ACBD6: variants seen among roughly 807,000 people sequenced by gnomAD.
ACBD6 encodes acyl-CoA binding domain containing 6.
A neutral mutation model predicts 37.2 loss-of-function variants in ACBD6; 28 were observed. That is an observed-to-expected ratio of 0.75 (90% CI 0.56 to 1.03). ACBD6 has a LOEUF of 1.03. Ranked by LOEUF, ACBD6 falls within the 50% of genes least tolerant of loss-of-function variation. The pLI, the probability that ACBD6 is intolerant of heterozygous loss-of-function variation, is 0.00. For missense variants in ACBD6, 340 were observed against 337.4 expected (o/e 1.01, Z -0.06); for synonymous variants, 113 against 126.8 (o/e 0.89, Z 0.73).
chr1:180,342,316 A>G (rs1299005302), intron 6 of ACBD6, among the ~76,000 whole-genome samples: 1 of 152,116 alleles, frequency 6.6e-6, no homozygotes, highest in East Asian at 1.9e-4. Flanking sequence ...AGATTTTTCA[A>G]CTCTGAATTG....
At chr1:180,344,638 T>C (rs1326298568) in intron 6 of ACBD6, among the ~76,000 whole-genome samples, 1 of 152,132 alleles carries the variant, frequency 6.6e-6, no homozygotes, top group African/African-American at 2.4e-5. Flanking sequence ...TGCTGGAAAT[T>C]TTACAAACAT....
intron 7 of ACBD6, among the ~76,000 whole-genome samples, chr1:180,312,488 T>C (rs534417899): frequency 1.3e-5 from 2 of 152,322 alleles, no homozygotes; most frequent in East Asian, 1.9e-4. Context: ...ACTGTATTGT[T>C]TGAGAATGAT....
chr1:180,343,858 C>T (rs549381413), intron 6 of ACBD6, among the ~76,000 whole-genome samples: 4 of 152,126 alleles, frequency 2.6e-5, no homozygotes, highest in Non-Finnish European at 1.5e-5. Flanking sequence ...CGCTTGAGCC[C>T]AGGAGTTTGA....
intron 7 of ACBD6, among the ~76,000 whole-genome samples, chr1:180,308,566 G>A (rs573209507): frequency 2.6e-5 from 4 of 152,302 alleles, no homozygotes; most frequent in African/African-American, 9.6e-5. Flanking sequence ...CTGAAGCAGA[G>A]AAGCTTCTTT....
At chr1:180,315,363 GA>G (rs1313647442) in intron 6 of ACBD6, among the ~76,000 whole-genome samples, 3 of 152,176 alleles carry the variant, frequency 2.0e-5, no homozygotes, top group African/African-American at 7.2e-5. Flanking sequence ...TAGTGCAGTT[GA>G]GTACTTTTTA....
At chr1:180,282,748 G>A (rs1571313317) in intron 8 of ACBD6, among the ~76,000 whole-genome samples, 2 of 152,002 alleles carry the variant, frequency 1.3e-5, no homozygotes, top group East Asian at 1.9e-4. Context: ...TCTATACTCA[G>A]TATGTGTGTG....
At chr1:180,489,894 G>A (rs965981892) in intron 3 of ACBD6, among the ~76,000 whole-genome samples, 2 of 152,090 alleles carry the variant, frequency 1.3e-5, no homozygotes, top group South Asian at 4.1e-4. Context: ...CCTGACCTCA[G>A]GTGATCCACC....
At chr1:180,273,262 AG>A (rs1163293980) in intron 12 of ACBD6, 1 of 152,276 alleles carries the variant, frequency 6.6e-6, no homozygotes, top group African/African-American at 2.4e-5. Flanking sequence ...AGGTCAGCTG[AG>A]CCCTAGAGGG....
intron 12 of ACBD6, chr1:180,273,291 A>G (rs145551067): frequency 0.018 from 2,790 of 152,484 alleles, 30 homozygotes; most frequent in Non-Finnish European, 0.025. Context: ...CTCTGAGAAC[A>G]CAGGGCCCGT....
chr1:180,330,215 C>T (rs1651425907), intron 6 of ACBD6, among the ~76,000 whole-genome samples: 2 of 151,310 alleles, frequency 1.3e-5, no homozygotes, highest in Non-Finnish European at 2.9e-5. Flanking sequence ...AGTTTGAGAT[C>T]AGCCTGGGCA....
chr1:180,286,386 A>G (rs182813918), downstream of ACBD6, among the ~76,000 whole-genome samples: 174 of 152,360 alleles, frequency 1.1e-3, no homozygotes, highest in African/African-American at 4.1e-3. Context: ...CGAACTGCTA[A>G]AGAGATGAAA....
chr1:180,276,353 G>T (rs147864191), intron 9 of ACBD6: 11 of 130,716 alleles, frequency 8.4e-5, no homozygotes, highest in African/African-American at 2.8e-4. Flanking sequence ...AATTAAGTAA[G>T]TTCTTTAAAA....
chr1:180,286,346 A>G (rs1649496300), downstream of ACBD6, among the ~76,000 whole-genome samples: 1 of 152,244 alleles, frequency 6.6e-6, no homozygotes, highest in African/African-American at 2.4e-5. Context: ...AAAACAGGTA[A>G]TAAAAAACTT....
At chr1:180,426,710 A>G (rs1431973104) in intron 4 of ACBD6, among the ~76,000 whole-genome samples, 1 of 152,230 alleles carries the variant, frequency 6.6e-6, no homozygotes, top group Non-Finnish European at 1.5e-5. Context: ...CCGAATAACA[A>G]TACTATTTAT....
At chr1:180,415,987 TAAC>T (rs1288539774) in intron 4 of ACBD6, among the ~76,000 whole-genome samples, 1 of 152,140 alleles carries the variant, frequency 6.6e-6, no homozygotes, top group African/African-American at 2.4e-5. Context: ...ACAGAGATAT[TAAC>T]AAAATACTTC....
At chr1:180,449,087 T>C (rs888178468) in intron 3 of ACBD6, among the ~76,000 whole-genome samples, 10 of 152,156 alleles carry the variant, frequency 6.6e-5, no homozygotes, top group Non-Finnish European at 1.5e-5. Context: ...AGTTGGTATG[T>C]TTCCATTCCA....
chr1:180,461,537 G>C (rs752447996), intron 3 of ACBD6, among the ~76,000 whole-genome samples: 2 of 152,150 alleles, frequency 1.3e-5, no homozygotes, highest in Non-Finnish European at 2.9e-5. Flanking sequence ...AGTCTACAAA[G>C]GGAAGCCCAT....
At chr1:180,396,843 C>T (rs1191501010) in intron 6 of ACBD6, among the ~76,000 whole-genome samples, 1 of 152,122 alleles carries the variant, frequency 6.6e-6, no homozygotes, top group East Asian at 1.9e-4. Flanking sequence ...TACACAGCTG[C>T]TGGGCATGAA....
chr1:180,335,692 C>T (rs1167323277), intron 6 of ACBD6, among the ~76,000 whole-genome samples: 5 of 148,730 alleles, frequency 3.4e-5, no homozygotes, highest in East Asian at 1.9e-4. Flanking sequence ...GGGCTAAATG[C>T]TCCAATTAAA....
Sources: gnomAD v4.1 joint callset for allele counts (sites outside exome capture counted in the v4.1 genomes callset) on GRCh38, gnomAD v4.1.1 for gene constraint, MANE v1.5 for transcripts, NCBI Gene and HGNC (gene_info 2026-07-23, HGNC 2026-07-21) for gene names.